RYR3: variants seen among roughly 807,000 people sequenced by gnomAD.
RYR3 encodes ryanodine receptor 3.
RYR3 carries 207 observed loss-of-function variants against 584.3 expected under a neutral mutation model. The observed-to-expected ratio is 0.35, with a 90% CI of 0.32 to 0.40. The LOEUF is 0.40. Among genes scored for constraint, RYR3 ranks in the 10% least tolerant of loss-of-function variants. The probability of loss-of-function intolerance (pLI) is 1.00; values close to 1 mark genes in which losing one functional copy is unlikely to be tolerated. For synonymous variants in RYR3, 2,416 were observed against 2,248.5 expected, an observed-to-expected ratio of 1.07 and a Z score of -2.11; for missense variants, 5,616 against 6,089.2, an observed-to-expected ratio of 0.92 and a Z score of 2.59.
intron 8 of RYR3, 57 bp downstream of exon 8, chr15:33,543,772 T>A: frequency 9.1e-7 from 1 of 1,102,192 alleles, no homozygotes; most frequent in Non-Finnish European, 1.4e-6. Context: ...TGACTCAAAC[T>A]AAAGAGTTTA....
intron 1 of RYR3, among the ~76,000 whole-genome samples, chr15:33,471,718 T>TG (rs2048949325): frequency 6.6e-6 from 1 of 151,762 alleles, no homozygotes; most frequent in Non-Finnish European, 1.5e-5. Context: ...TTAACTGTGG[T>TG]GGGGGAGACA....
intron 27 of RYR3, among the ~76,000 whole-genome samples, chr15:33,638,147 A>G (rs1161038805): frequency 1.3e-5 from 2 of 152,250 alleles, no homozygotes; most frequent in Admixed American, 1.3e-4. Context: ...AAGAGGTTTA[A>G]AATCAAAATT....
At chr15:33,577,804 A>G (rs2058373923) in intron 12 of RYR3, among the ~76,000 whole-genome samples, 1 of 152,236 alleles carries the variant, frequency 6.6e-6, no homozygotes, top group Admixed American at 6.5e-5. Flanking sequence ...TGCACAGCCA[A>G]AGAAACTATC....
chr15:33,677,941 C>T (rs2064297712), intron 38 of RYR3, among the ~76,000 whole-genome samples: 2 of 152,156 alleles, frequency 1.3e-5, no homozygotes, highest in Admixed American at 6.5e-5. Flanking sequence ...ATATCCACTA[C>T]GCCTTCTGGA....
chr15:33,837,571 GTGACA>G, intron 88 of RYR3, 55 bp from the exon 89 acceptor site: 1 of 1,473,158 alleles, frequency 6.8e-7, no homozygotes, highest in South Asian at 1.5e-5. Flanking sequence ...TACCTGACAA[GTGACA>G]TGATAGCTTG....
At chr15:33,833,041 C>T (rs1454820820) in intron 86 of RYR3, among the ~76,000 whole-genome samples, 1 of 150,046 alleles carries the variant, frequency 6.7e-6, no homozygotes, top group African/African-American at 2.4e-5. Context: ...GGCTCCGAGT[C>T]TCCATAGGAC....
At position 33,838,636 on chromosome 15, in the gene RYR3, T is replaced by C; in HGVS notation, c.12656T>C (p.Leu4219Pro). The C allele has an allele frequency of 6.2e-7, 1 of 1,613,892 alleles. No individual in the cohort carries two copies. The highest frequency in any genetic ancestry group is 1.1e-5 in the South Asian group (1 of 91,040). ...TGGAGCACAGTGTTTGGAGGGGGCCTGGTAGAAGGGGCAAAGAACATCAGA... is the reference window on the plus strand; with the variant it reads ...TGGAGCACAGTGTTTGGAGGGGGCCCGGTAGAAGGGGCAAAGAACATCAGA... ...ILWSTVFGGG[L>P]VEGAKNIRVT... is the part of the protein sequence containing the mutation. Residue 4219 changes from leucine to proline, a missense_variant, in exon 89 of 104, where the codon CTG (leucine) becomes CCG (proline). Physicochemically the swap from Leu to Pro is moderately conservative, Grantham distance 98. Around this residue, in one of 9 missense-constraint regions of RYR3, gnomAD observed 918 missense variants for 887.4 expected, o/e 1.03. Transcript: ENST00000634891.
chr15:33,331,924 A>G (rs893277325), intron 1 of RYR3, among the ~76,000 whole-genome samples: 13 of 152,052 alleles, frequency 8.5e-5, no homozygotes, highest in Admixed American at 3.3e-4. Flanking sequence ...TTGATGATAA[A>G]GAATTCTTAG....
intron 69 of RYR3, among the ~76,000 whole-genome samples, chr15:33,805,755 G>T (rs1337985661): frequency 1.3e-5 from 2 of 152,038 alleles, no homozygotes; most frequent in African/African-American, 2.4e-5. Flanking sequence ...GGGATTACAG[G>T]CTTGAGCCAC....
chr15:33,480,427 G>T (rs544410192), intron 2 of RYR3, among the ~76,000 whole-genome samples: 36 of 152,334 alleles, frequency 2.4e-4, no homozygotes, highest in African/African-American at 8.7e-4. Context: ...TTAAGCAGTA[G>T]CATTTAGTAT....
intron 2 of RYR3, among the ~76,000 whole-genome samples, chr15:33,488,887 A>G (rs555212766): frequency 6.6e-6 from 1 of 152,234 alleles, no homozygotes; most frequent in Admixed American, 6.5e-5. Context: ...AACCCAAGTC[A>G]TGTTACATCT....
intron 12 of RYR3, among the ~76,000 whole-genome samples, chr15:33,573,897 A>G (rs620150): frequency 0.63 from 96,120 of 152,116 alleles, 31,921 homozygotes; most frequent in Middle Eastern, 0.75. Flanking sequence ...CAAGCATGTG[A>G]TATGTCTTAT....
chr15:33,624,888 T>C (rs533570059), intron 20 of RYR3, among the ~76,000 whole-genome samples: 1 of 152,328 alleles, frequency 6.6e-6, no homozygotes, highest in African/African-American at 2.4e-5. Flanking sequence ...GCCTAGAGAC[T>C]TTCTCTAGCA....
At chr15:33,497,753 T>G (rs964481496) in intron 2 of RYR3, among the ~76,000 whole-genome samples, 1 of 152,178 alleles carries the variant, frequency 6.6e-6, no homozygotes, top group African/African-American at 2.4e-5. Flanking sequence ...TGTGGCTATT[T>G]TAAAATATAC....
intron 57 of RYR3, among the ~76,000 whole-genome samples, chr15:33,753,727 G>T (rs113188215): frequency 5.3e-3 from 807 of 152,150 alleles, no homozygotes; most frequent in Non-Finnish European, 9.4e-3. Flanking sequence ...CCGTGTTGTC[G>T]AACAGGAAAG....
At chr15:33,819,704 AAATAAATAAATAAAT>A (rs1381678397) in intron 76 of RYR3, 37 bp from the exon 77 acceptor site, 1 of 995,218 alleles carries the variant, frequency 1.0e-6, no homozygotes, top group Non-Finnish European at 1.4e-6. Context: ...ATAAATAAAT[AAATAAATAAATAAAT>A]AAAAAGCCTG....
At chr15:33,519,224 T>A (rs907830111) in intron 3 of RYR3, among the ~76,000 whole-genome samples, 1 of 152,224 alleles carries the variant, frequency 6.6e-6, no homozygotes, top group South Asian at 2.1e-4. Context: ...GAAACTCTTC[T>A]TCTGAGAAGC....
At chr15:33,776,203 G>C (rs1055296712) in intron 64 of RYR3, among the ~76,000 whole-genome samples, 7 of 152,160 alleles carry the variant, frequency 4.6e-5, no homozygotes, top group African/African-American at 1.4e-4. Flanking sequence ...TTGGTGATAG[G>C]GTTGACTGTG....
intron 1 of RYR3, among the ~76,000 whole-genome samples, chr15:33,464,422 C>A (rs2096197782): frequency 7.3e-6 from 1 of 137,240 alleles, no homozygotes; most frequent in African/African-American, 2.7e-5. Context: ...TAAAACCAAG[C>A]AAGCAAAAGA....
Sources: allele counts gnomAD v4.1 joint callset (sites outside exome capture counted in the v4.1 genomes callset), GRCh38; gene constraint gnomAD v4.1.1; regional missense constraint gnomAD v4.1.1; transcripts MANE v1.5; gene names NCBI Gene and HGNC (gene_info 2026-07-23, HGNC 2026-07-21).